Variants in GSE1 observed in about 807,000 individuals in gnomAD.
GSE1 encodes genetic suppressor element 1.
Under a neutral mutation model 112.6 loss-of-function variants are expected in GSE1, and 32 were observed. That is an observed-to-expected ratio of 0.28 (90% CI 0.21 to 0.38). The LOEUF is 0.38. GSE1 is among the 10% of genes least tolerant of loss of function. The pLI is 1.00. For synonymous variants in GSE1, 1,115 were observed against 735.6 expected, an observed-to-expected ratio of 1.52 and a Z score of -8.35; for missense variants, 2,348 against 1,699.2, an observed-to-expected ratio of 1.38 and a Z score of -6.71.
intron 1 of GSE1, among the ~76,000 whole-genome samples, chr16:85,226,718 GC>G (rs2143799057): frequency 1.3e-5 from 2 of 152,106 alleles, no homozygotes; most frequent in East Asian, 3.9e-4. Flanking sequence ...GGTGGCCTGA[GC>G]CTGAGCCTCC....
At chr16:85,202,119 C>A (rs1397659375) in intron 1 of GSE1, among the ~76,000 whole-genome samples, 1 of 152,190 alleles carries the variant, frequency 6.6e-6, no homozygotes, top group Non-Finnish European at 1.5e-5. Context: ...GGAAGTGCTC[C>A]CCTGTTAGGC....
In GSE1 at chr16:85,661,487, G is replaced by T; in HGVS notation, c.1982G>T (p.Ser661Ile). Residue 661 changes from serine to isoleucine, a missense_variant, in exon 9 of 16, where the codon AGC (serine) becomes ATC (isoleucine). Coordinates refer to ENST00000253458, the MANE Select transcript of GSE1 (RefSeq NM_014615.5). ...CCGCCGCCACCACGAGAGGGAGGGA[G>T]CCTGGAGCACCAGCCCTTCCTGCCC... ...PPPPPPREGG[S>I]LEHQPFLPGP... is the part of the protein sequence containing the mutation. The T allele has an allele frequency of 6.2e-7, 1 of 1,611,812 alleles. No homozygotes were observed. Among genetic ancestry groups the T allele is most frequent in the Non-Finnish European group, 8.5e-7 (1 of 1,179,512 alleles).
chr16:85,462,464 C>A (rs377071430), intron 2 of GSE1, among the ~76,000 whole-genome samples: 2 of 151,906 alleles, frequency 1.3e-5, no homozygotes, highest in South Asian at 2.1e-4. Flanking sequence ...TGCGCCAGTG[C>A]CCAGGTCTGG....
rs555316932 is a variant in GSE1, at chr16:85,445,735, G to A, written c.2464+88092G>A. Reference sequence around the variant, plus strand: ...CAGCAGCAGCCCTCTCCTGGCTCGAGGGAGAGCTCCCCCCAGCCGCCCTGG... The same window carrying A: ...CAGCAGCAGCCCTCTCCTGGCTCGAAGGAGAGCTCCCCCCAGCCGCCCTGG... On this transcript the variant is annotated intron_variant, in intron 2 of 2. Coordinates refer to the GSE1 transcript ENST00000637419. Among the ~76,000 whole-genome samples, 3 of 152,326 alleles carry A rather than the reference G, an allele frequency of 2.0e-5. No homozygotes were observed. In the East Asian group the frequency reaches 5.8e-4, roughly 29 times the overall value.
At chr16:85,496,513 C>T (rs564565773) in intron 2 of GSE1, among the ~76,000 whole-genome samples, 179 of 152,320 alleles carry the variant, frequency 1.2e-3, no homozygotes, top group African/African-American at 3.8e-3. Context: ...CTCGGTGCGG[C>T]GTGTCTGCGG....
At chr16:85,635,662 G>T (rs553556262) in intron 2 of GSE1, among the ~76,000 whole-genome samples, 1 of 152,178 alleles carries the variant, frequency 6.6e-6, no homozygotes, top group African/African-American at 2.4e-5. Context: ...TCAGCGTTTG[G>T]GGGCAGGAGA....
chr16:85,260,324 T>TTTC (rs1555548578), intron 1 of GSE1, among the ~76,000 whole-genome samples: 1 of 105,782 alleles, frequency 9.5e-6, no homozygotes, highest in Non-Finnish European at 2.0e-5. Flanking sequence ...CTTTTCTTTT[T>TTTC]TTTTTTTTTT....
intron 2 of GSE1, chr16:85,463,058 C>T (rs1026214690): frequency 1.0e-6 from 1 of 981,922 alleles, no homozygotes; most frequent in Non-Finnish European, 1.2e-6. Context: ...GGCCCCGGGT[C>T]CCGCGGCCCG....
Position 85,234,452 on chromosome 16 carries a change from G to T in GSE1, c.2283+62645G>T, listed in dbSNP as rs564081763. ...TCCAGCAGCAACTCTGGATAGTGAC[G>T]TTTCCTGCCATTGCTATTCTCTGCC... On this transcript the variant is annotated intron_variant, in intron 1 of 2. Coordinates refer to the GSE1 transcript ENST00000637419. 2.6e-5 allele frequency among the ~76,000 whole-genome samples: 4 copies of T among 152,300 alleles called. No homozygotes were observed. In the South Asian group the frequency reaches 8.3e-4, roughly 32 times the overall value.
At chr16:85,625,115 C>G (rs1204027024) in intron 1 of GSE1, among the ~76,000 whole-genome samples, 1 of 152,190 alleles carries the variant, frequency 6.6e-6, no homozygotes, top group African/African-American at 2.4e-5. Context: ...CTCCCTTGGT[C>G]TGTCGTGCCC....
At chr16:85,232,200 C>T (rs1904293850) in intron 1 of GSE1, among the ~76,000 whole-genome samples, 1 of 152,220 alleles carries the variant, frequency 6.6e-6, no homozygotes, top group South Asian at 2.1e-4. Flanking sequence ...TTTTATGACT[C>T]CTTCCTTGGG....
intron 2 of GSE1, among the ~76,000 whole-genome samples, chr16:85,518,167 G>T (rs1295063695): frequency 6.6e-6 from 1 of 152,360 alleles, no homozygotes; most frequent in East Asian, 1.9e-4. Flanking sequence ...CGGCCACCCA[G>T]ACATCTGTGC....
At chr16:85,285,298 T>A (rs1164594597) in intron 1 of GSE1, 1 of 152,186 alleles carries the variant, frequency 6.6e-6, no homozygotes, top group East Asian at 1.9e-4. Context: ...TGTAGCTGAT[T>A]CTGTATGGGT....
At chr16:85,618,936 T>A in intron 1 of GSE1, among the ~76,000 whole-genome samples, 1 of 152,204 alleles carries the variant, frequency 6.6e-6, no homozygotes, top group East Asian at 1.9e-4. Flanking sequence ...AGCACTGGAG[T>A]TACAGGCATG....
intron 1 of GSE1, among the ~76,000 whole-genome samples, chr16:85,293,423 G>C (rs551494700): frequency 6.6e-6 from 1 of 152,234 alleles, no homozygotes; most frequent in Admixed American, 6.5e-5. Flanking sequence ...GTGTGTGCCC[G>C]TAATCCCAGC....
chr16:85,425,642 C>T (rs2048960972), intron 2 of GSE1, among the ~76,000 whole-genome samples: 1 of 152,152 alleles, frequency 6.6e-6, no homozygotes, highest in African/African-American at 2.4e-5. Context: ...ACCCACCCTC[C>T]AAGGCAAGCC....
Position 85,311,222 on chromosome 16 carries a change from C to T in GSE1, c.2284-46241C>T, listed in dbSNP as rs2045835709. Reference sequence around the variant, plus strand: ...CAGCAGAAGAGCTGAGACTTGAATCCCATGGCACTGATGTGGGCACAAAGG... The same window carrying T: ...CAGCAGAAGAGCTGAGACTTGAATCTCATGGCACTGATGTGGGCACAAAGG... On this transcript the variant is annotated intron_variant, in intron 1 of 2. Coordinates refer to the GSE1 transcript ENST00000637419. The surrounding 1 kb of genome is among the most constrained non-coding windows in gnomAD (Gnocchi z 4.2). Among the ~76,000 whole-genome samples the T allele has an allele frequency of 6.6e-6, 1 of 152,156 alleles. No homozygotes were observed. The highest frequency in any genetic ancestry group is 6.5e-5 in the Admixed American group (1 of 15,284).
chr16:85,549,196 C>G (rs2044816568), intron 2 of GSE1, among the ~76,000 whole-genome samples: 1 of 149,038 alleles, frequency 6.7e-6, no homozygotes, highest in South Asian at 2.1e-4. Flanking sequence ...TTTTTTGAGA[C>G]AGGGTCTTTG....
chr16:85,639,969 A>T (rs2050309378), intron 2 of GSE1, among the ~76,000 whole-genome samples: 2 of 152,092 alleles, frequency 1.3e-5, no homozygotes, highest in Admixed American at 6.5e-5. Context: ...CCTCCCTGGG[A>T]AACAGTTGGG....
Sources: allele counts gnomAD v4.1 joint callset (sites outside exome capture counted in the v4.1 genomes callset), GRCh38; gene constraint gnomAD v4.1.1; non-coding constraint Gnocchi (gnomAD v3.1); transcripts MANE v1.5; gene names NCBI Gene and HGNC (gene_info 2026-07-23, HGNC 2026-07-21).